Variants in RARS2 observed in about 807,000 individuals in gnomAD.
The protein encoded by RARS2 is arginyl-tRNA synthetase 2, mitochondrial.
Under a neutral mutation model 88.5 loss-of-function variants are expected in RARS2, and 67 were observed. The ratio of observed to expected loss-of-function variants is 0.76; its 90% confidence interval spans 0.62 to 0.93. The LOEUF is 0.93. RARS2 is among the 40% of genes least tolerant of loss of function. RARS2 has a pLI of 0.00. For synonymous variants in RARS2, 239 were observed against 230.3 expected (o/e 1.04, Z -0.34); for missense variants, 664 against 684.2 (o/e 0.97, Z 0.33).
At chr6:87,541,199 C>G (rs962132167) in intron 8 of RARS2, among the ~76,000 whole-genome samples, 1 of 152,178 alleles carries the variant, frequency 6.6e-6, no homozygotes, top group Admixed American at 6.5e-5. Flanking sequence ...CTTTCTGAGA[C>G]AGGGTCTTGC....
chr6:87,546,402 C>T (rs1048762297), intron 6 of RARS2, among the ~76,000 whole-genome samples: 1 of 152,132 alleles, frequency 6.6e-6, no homozygotes, highest in African/African-American at 2.4e-5. Context: ...TTATGACAAG[C>T]ACAGTGGTGG....
chr6:87,520,748 C>G (rs1208470656), intron 12 of RARS2, among the ~76,000 whole-genome samples: 1 of 152,168 alleles, frequency 6.6e-6, no homozygotes, highest in African/African-American at 2.4e-5. Context: ...AAAAGCCAAT[C>G]TCAAAGGTTA....
intron 3 of RARS2, among the ~76,000 whole-genome samples, chr6:87,563,918 A>T (rs1788620613): frequency 6.6e-6 from 1 of 152,252 alleles, no homozygotes; most frequent in Non-Finnish European, 1.5e-5. Flanking sequence ...AAAAAATTGA[A>T]CAATGTCAGC....
At position 87,549,037 on chromosome 6, in the gene RARS2, G is replaced by C. The variant is rs993664177; in HGVS notation, c.396-391C>G. Among the ~76,000 whole-genome samples the C allele has an allele frequency of 2.0e-5, 3 of 151,984 alleles. No individual in the cohort carries two copies. In the East Asian group the frequency reaches 5.8e-4, roughly 29 times the overall value. On this transcript the variant is annotated intron_variant, in intron 5 of 19. Coordinates refer to ENST00000369536, the MANE Select transcript of RARS2 (RefSeq NM_020320.5). ...GAGACTAGCCTGGGCAACATATCAAGACTGTCTCTACAAAAAAAATTTTTT... is the reference window on the plus strand; with the variant it reads ...GAGACTAGCCTGGGCAACATATCAACACTGTCTCTACAAAAAAAATTTTTT...
rs778200533 is a variant in RARS2, at chr6:87,548,582, A to G, written c.451+9T>C. 6.2e-7 allele frequency: 1 copy of G among 1,611,672 alleles called. No individual in the cohort carries two copies. The highest frequency in any genetic ancestry group is 1.7e-5 in the Admixed American group (1 of 59,928). ...ACGTTTAGCATTTTATGTGAAACTA[A>G]ACACTTACCTATGATGGTAGAACGC... On this transcript the variant is annotated intron_variant, in intron 6 of 19. Coordinates refer to ENST00000369536, the MANE Select transcript of RARS2 (RefSeq NM_020320.5).
At chr6:87,576,586 T>C (rs561277834) in intron 1 of RARS2, among the ~76,000 whole-genome samples, 1 of 151,884 alleles carries the variant, frequency 6.6e-6, no homozygotes, top group Non-Finnish European at 1.5e-5. Context: ...AACACAAATT[T>C]CAAGATAGAC....
chr6:87,581,774 G>A (rs1773543844), intron 1 of RARS2, among the ~76,000 whole-genome samples: 1 of 151,854 alleles, frequency 6.6e-6, no homozygotes, highest in African/African-American at 2.4e-5. Context: ...CCCAACAAAC[G>A]CTGGTGTGTG....
At chr6:87,562,529 T>C (rs1044480683) in intron 4 of RARS2, among the ~76,000 whole-genome samples, 173 bp downstream of exon 4, 4 of 152,112 alleles carry the variant, frequency 2.6e-5, no homozygotes, top group African/African-American at 7.2e-5. Context: ...AATATCAAGA[T>C]TTAAAGGATG....
chr6:87,561,488 T>G (rs993587245), intron 4 of RARS2, among the ~76,000 whole-genome samples: 5 of 152,238 alleles, frequency 3.3e-5, no homozygotes, highest in Non-Finnish European at 7.3e-5. Flanking sequence ...CTTGAATCTG[T>G]GCTCCTCAGC....
chr6:87,541,885 A>G (rs1208889563), intron 8 of RARS2, 33 bp downstream of exon 8: 4 of 1,539,964 alleles, frequency 2.6e-6, no homozygotes, highest in Non-Finnish European at 3.6e-6. Flanking sequence ...TAGTACTCTG[A>G]AAAATTTTTG....
Position 87,530,869 on chromosome 6 carries a change from C to T in RARS2, c.686G>A (p.Arg229Gln), listed in dbSNP as rs747644029. The change falls in exon 9 of 20, where the codon CGA becomes CAA. Residue 229 changes from arginine (R) to glutamine (Q), a missense_variant. Transcript: ENST00000369536. ...TGCTTGCACATCGCCCAGTTCCAATCGTTGGAAGAACTCCTGTGCTGCTTT... is the reference window on the plus strand; with the variant it reads ...TGCTTGCACATCGCCCAGTTCCAATTGTTGGAAGAACTCCTGTGCTGCTTT... ...VAKAAQEFFQ[R>Q]LELGDVQALS... 33 of 1,614,082 alleles carry T rather than the reference C, an allele frequency of 2.0e-5. No individual in the cohort carries two copies. Among genetic ancestry groups the T allele is most frequent in the South Asian group, 7.7e-5 (7 of 91,094 alleles).
intron 2 of RARS2, 71 bp from the exon 3 acceptor site, chr6:87,564,303 A>G: frequency 9.2e-7 from 1 of 1,081,574 alleles, no homozygotes; most frequent in Non-Finnish European, 1.4e-6. Flanking sequence ...AAGACTAATC[A>G]CTATGAGTTC....
intron 11 of RARS2, among the ~76,000 whole-genome samples, chr6:87,522,998 G>A (rs1204246115): frequency 6.6e-6 from 1 of 152,192 alleles, no homozygotes; most frequent in Non-Finnish European, 1.5e-5. Flanking sequence ...AAAATTTCAT[G>A]AGGATTGGCA....
In RARS2 at chr6:87,541,973, T is replaced by C. The variant is rs1781133689; in HGVS notation, c.557A>G (p.Gln186Arg). 2 of 1,613,380 alleles carry C rather than the reference T, an allele frequency of 1.2e-6. No homozygotes were observed. The highest frequency in any genetic ancestry group is 1.7e-6 in the Non-Finnish European group (2 of 1,179,426). The change falls in exon 8 of 20, where the codon CAG (glutamine) becomes CGG (arginine). Residue 186 changes from glutamine (Q) to arginine (R), a missense_variant. Physicochemically the swap from Gln to Arg is conservative, Grantham distance 43. Transcript: ENST00000369536. ...CAGTTTTTCCTCATAGCCAAACAGC[T>C]GGAAGCCAGTTCCCAGAAGACCTAC... ...MQFGLLGTGF[Q>R]LFGYEEKLQS...
chr6:87,580,242 G>A (rs1450224831), intron 1 of RARS2, among the ~76,000 whole-genome samples: 1 of 152,048 alleles, frequency 6.6e-6, no homozygotes, highest in African/African-American at 2.4e-5. Flanking sequence ...GCTTCATCTA[G>A]GACTAGCACA....
chr6:87,520,689 C>T (rs924382458), intron 12 of RARS2, among the ~76,000 whole-genome samples: 1 of 152,196 alleles, frequency 6.6e-6, no homozygotes, highest in Non-Finnish European at 1.5e-5. Context: ...ACTACTGACA[C>T]ACAGGACAGC....
intron 4 of RARS2, among the ~76,000 whole-genome samples, chr6:87,559,314 G>T (rs1787035553): frequency 6.6e-6 from 1 of 151,674 alleles, no homozygotes; most frequent in South Asian, 2.1e-4. Context: ...TAGAGACAGG[G>T]TCTCTAGCCA....
At chr6:87,533,949 G>C (rs1341506084) in intron 8 of RARS2, among the ~76,000 whole-genome samples, 1 of 152,108 alleles carries the variant, frequency 6.6e-6, no homozygotes, top group Non-Finnish European at 1.5e-5. Context: ...GAGAATAACT[G>C]CTAAGGATGG....
At chr6:87,589,599 A>G in intron 1 of RARS2, 1 of 902,174 alleles carries the variant, frequency 1.1e-6, no homozygotes, top group Non-Finnish European at 1.3e-6. Context: ...TGTAAAGAAC[A>G]CTAACTTCTA....
Sources: allele counts gnomAD v4.1 joint callset (sites outside exome capture counted in the v4.1 genomes callset), GRCh38; gene constraint gnomAD v4.1.1; transcripts MANE v1.5; gene names NCBI Gene and HGNC (gene_info 2026-07-23, HGNC 2026-07-21).